The following ITPR1 variants were observed in gnomAD, a reference collection of about 807,000 sequenced individuals.
The protein encoded by ITPR1 is inositol 1,4,5-trisphosphate-gated calcium channel ITPR1.
A neutral mutation model predicts 318.4 loss-of-function variants in ITPR1; 96 were observed. That is an observed-to-expected ratio of 0.30 (90% CI 0.26 to 0.36). The LOEUF is 0.36. Among genes scored for constraint, ITPR1 ranks in the 10% least tolerant of loss-of-function variants. ITPR1 has a pLI of 1.00. For synonymous variants in ITPR1, 1,312 were observed against 1,289.9 expected, an observed-to-expected ratio of 1.02 and a Z score of -0.37; for missense variants, 2,440 against 3,460.2, an observed-to-expected ratio of 0.71 and a Z score of 7.40.
chr3:4,607,300 G>A (rs1290645788), intron 4 of ITPR1, among the ~76,000 whole-genome samples: 7 of 152,140 alleles, frequency 4.6e-5, no homozygotes, highest in Admixed American at 2.6e-4. Flanking sequence ...TTTGAGAAGC[G>A]CTGTTGTTAG....
chr3:4,758,373 C>T lies in ITPR1; in HGVS notation c.5545-8157C>T, dbSNP rs908982218. ...CATGCCCGCTCCCACCAGGCTCCAC[C>T]CTGGGACACATACATCTATGCTCCC... On this transcript the variant is annotated intron_variant, in intron 44 of 61. Coordinates refer to ENST00000649015, the MANE Select transcript of ITPR1 (RefSeq NM_001378452.1). Among the ~76,000 whole-genome samples, 17 of 152,312 alleles carry T rather than the reference C, an allele frequency of 1.1e-4. No homozygotes were observed. The East Asian group carries it at 3.1e-3, about 28-fold the overall frequency.
intron 4 of ITPR1, among the ~76,000 whole-genome samples, chr3:4,537,618 A>G (rs1403767348): frequency 6.6e-6 from 1 of 152,224 alleles, no homozygotes; most frequent in African/African-American, 2.4e-5. Flanking sequence ...CTTGTAGGCT[A>G]GAAGCAGGAG....
chr3:4,808,839 T>C (rs984633634), intron 55 of ITPR1, among the ~76,000 whole-genome samples: 1 of 152,048 alleles, frequency 6.6e-6, no homozygotes, highest in African/African-American at 2.4e-5. Flanking sequence ...GGTGATCTGG[T>C]GGCCTAATTA....
chr3:4,630,678 C>G (rs775318471), intron 5 of ITPR1, among the ~76,000 whole-genome samples: 1 of 151,660 alleles, frequency 6.6e-6, no homozygotes, highest in South Asian at 2.1e-4. Context: ...CTCCGCCTCC[C>G]GGGCTCAAGC....
chr3:4,511,821 TTGCGGGGAGGA>T (rs2081850098), intron 2 of ITPR1, among the ~76,000 whole-genome samples: 1 of 152,072 alleles, frequency 6.6e-6, no homozygotes, highest in Admixed American at 6.6e-5. Flanking sequence ...GCGTCAGGAA[TTGCGGGGAGGA>T]TGGTGATGCT....
intron 10 of ITPR1, among the ~76,000 whole-genome samples, chr3:4,650,445 T>A (rs987241213): frequency 2.0e-5 from 3 of 152,178 alleles, no homozygotes; most frequent in Non-Finnish European, 4.4e-5. Context: ...AAGATTTTGA[T>A]CCATTGTCTT....
intron 38 of ITPR1, 81 bp from the exon 39 acceptor site, chr3:4,711,676 A>G (rs1335513355): frequency 2.5e-5 from 19 of 752,992 alleles, no homozygotes; most frequent in Non-Finnish European, 4.2e-5. Flanking sequence ...TTAACGGACT[A>G]GTTAAAATAA....
chr3:4,602,372 C>A (rs6804103), intron 4 of ITPR1, among the ~76,000 whole-genome samples: 3,782 of 151,692 alleles, frequency 0.025, 150 homozygotes, highest in African/African-American at 0.086. Context: ...ACAACAACAA[C>A]AAAAAATTAG....
chr3:4,810,941 G>C (rs1016908287), intron 55 of ITPR1, among the ~76,000 whole-genome samples: 1 of 152,214 alleles, frequency 6.6e-6, no homozygotes, highest in African/African-American at 2.4e-5. Context: ...TGGATGCCAA[G>C]ACCCTCATCA....
At chr3:4,761,118 A>G (rs2045410444) in intron 44 of ITPR1, among the ~76,000 whole-genome samples, 3 of 152,280 alleles carry the variant, frequency 2.0e-5, no homozygotes, top group Middle Eastern at 3.4e-3. Flanking sequence ...TCCAGAGGCA[A>G]CCACCATTTT....
chr3:4,678,772 C>T (rs2094237629), intron 24 of ITPR1, among the ~76,000 whole-genome samples: 1 of 152,128 alleles, frequency 6.6e-6, no homozygotes, highest in Admixed American at 6.5e-5. Context: ...AGGGCCCGTT[C>T]TCAGGTGGAT....
At chr3:4,709,276 A>G (rs1192198129) in intron 37 of ITPR1, among the ~76,000 whole-genome samples, 1 of 152,158 alleles carries the variant, frequency 6.6e-6, no homozygotes, top group African/African-American at 2.4e-5. Context: ...AAATTGCCCC[A>G]CTCAAAATTA....
At chr3:4,711,167 C>T (rs1170789566) in intron 38 of ITPR1, among the ~76,000 whole-genome samples, 16 of 143,572 alleles carry the variant, frequency 1.1e-4, no homozygotes, top group Middle Eastern at 3.7e-3. Flanking sequence ...GCCAAGATCG[C>T]GCTACTGCAC....
chr3:4,812,942 G>A (rs1338526186), intron 56 of ITPR1, 200 bp from the exon 57 acceptor site: 8 of 593,564 alleles, frequency 1.3e-5, no homozygotes, highest in South Asian at 7.9e-5. Flanking sequence ...TAAGCCTACA[G>A]GAATTGACAT....
At chr3:4,504,830 G>C (rs1027446719) in intron 2 of ITPR1, among the ~76,000 whole-genome samples, 3 of 152,330 alleles carry the variant, frequency 2.0e-5, no homozygotes. Flanking sequence ...CGTATTTACA[G>C]CCATATTACC....
chr3:4,738,080 A>C (rs2043407128), intron 44 of ITPR1, among the ~76,000 whole-genome samples: 1 of 152,172 alleles, frequency 6.6e-6, no homozygotes. Context: ...GGTCGGAAGG[A>C]GGGAGAGGAT....
In ITPR1 at chr3:4,809,400, G is replaced by C. The variant is rs145379441; in HGVS notation, c.7273-1865G>C. ...ATGTTAATCATGTTTTTCCCATATAGTGAAATACCAGGTGATCATTTTTGA... is the reference window on the plus strand; with the variant it reads ...ATGTTAATCATGTTTTTCCCATATACTGAAATACCAGGTGATCATTTTTGA... On this transcript the variant is annotated intron_variant, in intron 55 of 61. Transcript: ENST00000649015. 2.9e-3 allele frequency among the ~76,000 whole-genome samples: 442 copies of C among 152,294 alleles called. 5 individuals are homozygous for C. The highest frequency in any genetic ancestry group is 0.01 in the African/African-American group (425 of 41,558).
intron 54 of ITPR1, among the ~76,000 whole-genome samples, chr3:4,804,891 C>T (rs961475086): frequency 6.6e-6 from 1 of 152,126 alleles, no homozygotes; most frequent in Non-Finnish European, 1.5e-5. Flanking sequence ...GCAGTATTTC[C>T]CCCGCACCTG....
chr3:4,731,213 G>A (rs531741682), intron 42 of ITPR1, among the ~76,000 whole-genome samples: 22 of 152,252 alleles, frequency 1.4e-4, no homozygotes, highest in South Asian at 2.1e-4. Context: ...AAATCACTGC[G>A]TTCCCAGTGA....
Sources: allele counts gnomAD v4.1 joint callset (sites outside exome capture counted in the v4.1 genomes callset), GRCh38; gene constraint gnomAD v4.1.1; transcripts MANE v1.5; gene names NCBI Gene and HGNC (gene_info 2026-07-23, HGNC 2026-07-21).